Variants in FAM107B observed in about 807,000 individuals in gnomAD.
FAM107B encodes family with sequence similarity 107 member B.
Under a neutral mutation model 31.5 loss-of-function variants are expected in FAM107B, and 21 were observed. That is an observed-to-expected ratio of 0.67 (90% confidence interval 0.47 to 0.96). FAM107B has a LOEUF of 0.96. Among genes scored for constraint, FAM107B ranks in the 40% least tolerant of loss-of-function variants. FAM107B has a pLI of 0.00. For missense variants in FAM107B, 452 were observed against 377.1 expected (o/e 1.20, Z -1.64); for synonymous variants, 157 against 141.5 (o/e 1.11, Z -0.78).
intron 1 of FAM107B, among the ~76,000 whole-genome samples, chr10:14,696,655 T>C (rs1432563172): frequency 6.6e-6 from 1 of 152,180 alleles, no homozygotes; most frequent in African/African-American, 2.4e-5. Context: ...TTGGGAGGTT[T>C]CGATTACTTC....
At chr10:14,669,502 A>G (rs1854491855) in intron 1 of FAM107B, among the ~76,000 whole-genome samples, 3 of 152,218 alleles carry the variant, frequency 2.0e-5, no homozygotes, top group Admixed American at 2.0e-4. Context: ...TTGAACATCC[A>G]TCGCCAGATA....
intron 2 of FAM107B, among the ~76,000 whole-genome samples, chr10:14,605,736 T>C (rs1852571827): frequency 6.6e-6 from 1 of 152,210 alleles, no homozygotes; most frequent in African/African-American, 2.4e-5. Context: ...GTGTTTCCTA[T>C]GATTCTTCCT....
chr10:14,655,825 C>T (rs912487695), intron 2 of FAM107B, among the ~76,000 whole-genome samples: 9 of 152,130 alleles, frequency 5.9e-5, no homozygotes, highest in Non-Finnish European at 1.2e-4. Flanking sequence ...AGCTACCTAC[C>T]CTAGGGAAAG....
chr10:14,752,654 A>C (rs1832853254), intron 1 of FAM107B, among the ~76,000 whole-genome samples: 1 of 152,150 alleles, frequency 6.6e-6, no homozygotes, highest in Non-Finnish European at 1.5e-5. Flanking sequence ...AAAGCTGGCC[A>C]GGTTTGGTGG....
At chr10:14,772,096 C>T (rs1234819491) in intron 1 of FAM107B, among the ~76,000 whole-genome samples, 2 of 152,152 alleles carry the variant, frequency 1.3e-5, no homozygotes, top group Non-Finnish European at 2.9e-5. Flanking sequence ...TGGCTCACTC[C>T]TGTAATCCCA....
intron 2 of FAM107B, among the ~76,000 whole-genome samples, chr10:14,567,089 C>G (rs1278689549): frequency 6.6e-6 from 1 of 152,074 alleles, no homozygotes; most frequent in African/African-American, 2.4e-5. Flanking sequence ...GGAGGCGGAG[C>G]TTGCAGTGAG....
chr10:14,705,576 T>C (rs1855500509), intron 1 of FAM107B, among the ~76,000 whole-genome samples: 1 of 152,118 alleles, frequency 6.6e-6, no homozygotes, highest in Non-Finnish European at 1.5e-5. Context: ...TAACTGGATC[T>C]TGAAGACATT....
chr10:14,553,446 A>G (rs1849439240), intron 2 of FAM107B: 3 of 919,304 alleles, frequency 3.3e-6, no homozygotes, highest in Non-Finnish European at 1.5e-6. Flanking sequence ...CAAAGCAATC[A>G]TTCTATCTGC....
chr10:14,620,017 C>CTTTTTTTT (rs71388190), intron 2 of FAM107B, among the ~76,000 whole-genome samples: 10 of 83,890 alleles, frequency 1.2e-4, no homozygotes, highest in African/African-American at 3.6e-4. Flanking sequence ...TTCTTTCTTT[C>CTTTTTTTT]TTTTTTTTTT....
chr10:14,556,336 T>A, intron 2 of FAM107B: 1 of 985,240 alleles, frequency 1.0e-6, no homozygotes, highest in Non-Finnish European at 1.2e-6. Context: ...TCCTCCCAAA[T>A]GCACAGAAGA....
intron 3 of FAM107B, among the ~76,000 whole-genome samples, chr10:14,527,116 C>T (rs541121353): frequency 6.6e-6 from 1 of 151,768 alleles, no homozygotes; most frequent in South Asian, 2.1e-4. Flanking sequence ...GGATTACAGG[C>T]GTGAGCCACC....
intron 2 of FAM107B, among the ~76,000 whole-genome samples, chr10:14,565,511 A>G (rs1430622631): frequency 2.6e-5 from 4 of 152,218 alleles, no homozygotes; most frequent in Non-Finnish European, 5.9e-5. Flanking sequence ...ACTGAGGAAG[A>G]ACCAGTTCAA....
At position 14,762,795 on chromosome 10, in the gene FAM107B, C is replaced by A. The variant is rs1248508151; in HGVS notation, c.411+11458G>T. 2.2e-3 allele frequency among the ~76,000 whole-genome samples: 317 copies of A among 146,240 alleles called. 2 individuals carry two copies. Among genetic ancestry groups the A allele is most frequent in the African/African-American group, 7.2e-3 (264 of 36,866 alleles). On this transcript the variant is annotated intron_variant, in intron 1 of 4. Coordinates refer to ENST00000181796, the MANE Select transcript of FAM107B (RefSeq NM_031453.4). Reference sequence around the variant, plus strand: ...ACACACACACACACACACACACACACACACACAAAAAGAACATGTCACATT... The same window carrying A: ...ACACACACACACACACACACACACAAACACACAAAAAGAACATGTCACATT...
intron 1 of FAM107B, chr10:14,723,950 G>A (rs1225629479): frequency 3.7e-5 from 28 of 749,200 alleles, no homozygotes; most frequent in South Asian, 3.2e-4. Context: ...TAGATGTGCT[G>A]TTCCATTTGG....
At chr10:14,712,626 A>AAAAAAAAG (rs1554851690) in intron 1 of FAM107B, among the ~76,000 whole-genome samples, 8,701 of 146,062 alleles carry the variant, frequency 0.06, 614 homozygotes, top group African/African-American at 0.17. Context: ...AACAAAAAAA[A>AAAAAAAAG]AAGAAGAAGA....
chr10:14,652,541 C>T (rs1309387815), intron 2 of FAM107B, among the ~76,000 whole-genome samples: 1 of 152,124 alleles, frequency 6.6e-6, no homozygotes, highest in Non-Finnish European at 1.5e-5. Flanking sequence ...TTCTTACCTG[C>T]AAAGGGGAGA....
chr10:14,575,976 C>T (rs111969193), intron 2 of FAM107B, among the ~76,000 whole-genome samples: 3,310 of 152,180 alleles, frequency 0.022, 62 homozygotes, highest in East Asian at 0.089. Flanking sequence ...TCACGCTAAG[C>T]GAAATAAGCC....
At chr10:14,685,443 C>T (rs1159220630) in intron 1 of FAM107B, among the ~76,000 whole-genome samples, 1 of 152,042 alleles carries the variant, frequency 6.6e-6, no homozygotes, top group Non-Finnish European at 1.5e-5. Flanking sequence ...TGAGCCACTG[C>T]ACCTGGTCTT....
intron 3 of FAM107B, among the ~76,000 whole-genome samples, chr10:14,523,392 C>T (rs1030504015): frequency 3.3e-5 from 5 of 152,346 alleles, no homozygotes; most frequent in African/African-American, 7.2e-5. Flanking sequence ...TAGGTAACAG[C>T]GCACACACAC....
Sources: gnomAD v4.1 joint callset for allele counts (sites outside exome capture counted in the v4.1 genomes callset) on GRCh38, gnomAD v4.1.1 for gene constraint, MANE v1.5 for transcripts, NCBI Gene and HGNC (gene_info 2026-07-23, HGNC 2026-07-21) for gene names.